The following RNF212B variants were observed in gnomAD, a reference collection of about 807,000 sequenced individuals.
The protein encoded by RNF212B is ring finger protein 212B.
Under a neutral mutation model 55.5 loss-of-function variants are expected in RNF212B, and 52 were observed. That is an observed-to-expected ratio of 0.94 (90% CI 0.75 to 1.18). The LOEUF is 1.18. Among genes scored for constraint, RNF212B ranks in the 50% most tolerant of loss-of-function variants. The pLI, the probability that RNF212B is intolerant of heterozygous loss-of-function variation, is 0.00. For synonymous variants in RNF212B, 99 were observed against 121.4 expected, an observed-to-expected ratio of 0.82 and a Z score of 1.21; for missense variants, 289 against 350.4, an observed-to-expected ratio of 0.82 and a Z score of 1.40.
intron 6 of RNF212B, among the ~76,000 whole-genome samples, chr14:23,260,147 T>C (rs933293616): frequency 1.3e-5 from 2 of 152,184 alleles, no homozygotes; most frequent in African/African-American, 4.8e-5. Context: ...TATAGCACAC[T>C]TGTAACCCAT....
intron 2 of RNF212B, among the ~76,000 whole-genome samples, chr14:23,221,217 T>A: frequency 6.8e-6 from 1 of 147,174 alleles, no homozygotes. Context: ...TGAAACCCTG[T>A]CTCTACTGAA....
At chr14:23,194,962 A>G (rs951125479) in intron 2 of RNF212B, among the ~76,000 whole-genome samples, 8 of 152,168 alleles carry the variant, frequency 5.3e-5, no homozygotes, top group Admixed American at 4.6e-4. Context: ...AAAGATGTGA[A>G]ATCATACAGC....
At chr14:23,207,444 G>A (rs1289570823) in intron 2 of RNF212B, among the ~76,000 whole-genome samples, 1 of 152,076 alleles carries the variant, frequency 6.6e-6, no homozygotes, top group Non-Finnish European at 1.5e-5. Flanking sequence ...CCTTCCTGTT[G>A]GAAGCAAGTA....
intron 4 of RNF212B, among the ~76,000 whole-genome samples, chr14:23,250,686 A>G (rs1051960538): frequency 7.9e-5 from 12 of 152,188 alleles, no homozygotes; most frequent in African/African-American, 2.7e-4. Context: ...TTATTTTGCC[A>G]AGATTGAGGA....
At chr14:23,227,769 T>C (rs1240676104) in intron 2 of RNF212B, among the ~76,000 whole-genome samples, 2 of 151,900 alleles carry the variant, frequency 1.3e-5, no homozygotes, top group Non-Finnish European at 2.9e-5. Context: ...CTGGCTAATT[T>C]TGTACTTTTT....
intron 2 of RNF212B, among the ~76,000 whole-genome samples, chr14:23,222,263 A>T (rs1046946698): frequency 5.3e-4 from 80 of 152,218 alleles, no homozygotes; most frequent in African/African-American, 1.8e-3. Flanking sequence ...TAAGAAAAAA[A>T]AAGAAGACCC....
At chr14:23,235,392 T>C (rs570874167), upstream of RNF212B, among the ~76,000 whole-genome samples, 24 of 152,208 alleles carry the variant, frequency 1.6e-4, no homozygotes, top group Non-Finnish European at 2.9e-4. Context: ...ATGGAATAGT[T>C]TGATTTGTAA....
At chr14:23,203,053 T>A (rs753935079) in intron 2 of RNF212B, among the ~76,000 whole-genome samples, 10 of 152,236 alleles carry the variant, frequency 6.6e-5, no homozygotes, top group South Asian at 4.2e-4. Flanking sequence ...TTAGTGGTGA[T>A]TTGTGAGATT....
In RNF212B at chr14:23,186,015, G is replaced by A. The variant is rs201169651; in HGVS notation, c.-79+525G>A. ...CTCAGGAGGCTGAGGTGGGAGGATC[G>A]TGTGAGCCATGGAGGTTGAGGCTGC... is the stretch of plus-strand genomic sequence containing the variant. On this transcript the variant is annotated intron_variant, in intron 1 of 15. Coordinates refer to the RNF212B transcript ENST00000399910. 9.2e-5 allele frequency among the ~76,000 whole-genome samples: 14 copies of A among 152,266 alleles called. No homozygotes were observed. In the East Asian group the frequency reaches 2.1e-3, roughly 23 times the overall value.
At chr14:23,217,320 G>A (rs758449438) in intron 2 of RNF212B, among the ~76,000 whole-genome samples, 1 of 152,174 alleles carries the variant, frequency 6.6e-6, no homozygotes, top group African/African-American at 2.4e-5. Context: ...ATATTGTGGT[G>A]TGAGTGCCAG....
chr14:23,226,612 CAG>C (rs1882044128), intron 2 of RNF212B, among the ~76,000 whole-genome samples: 1 of 152,022 alleles, frequency 6.6e-6, no homozygotes, highest in Non-Finnish European at 1.5e-5. Flanking sequence ...GCCTGGGTGA[CAG>C]AGCGAGACTC....
At chr14:23,185,858 G>C (rs576393125) in intron 1 of RNF212B, among the ~76,000 whole-genome samples, 1 of 152,294 alleles carries the variant, frequency 6.6e-6, no homozygotes, top group African/African-American at 2.4e-5. Flanking sequence ...CCAGCACTTT[G>C]GGAGGCCGAA....
intron 4 of RNF212B, among the ~76,000 whole-genome samples, chr14:23,253,939 C>T (rs1029098185): frequency 5.9e-5 from 9 of 152,000 alleles, no homozygotes; most frequent in East Asian, 3.9e-4. Context: ...AATTAAATTG[C>T]GTGCAAAAAT....
chr14:23,250,502 G>A (rs560542713), intron 4 of RNF212B, among the ~76,000 whole-genome samples: 2 of 147,842 alleles, frequency 1.4e-5, no homozygotes, highest in African/African-American at 5.0e-5. Context: ...AAAAAAGACT[G>A]AATTAATAAT....
At chr14:23,217,947 T>C (rs1247768397) in intron 2 of RNF212B, among the ~76,000 whole-genome samples, 2 of 152,014 alleles carry the variant, frequency 1.3e-5, no homozygotes, top group African/African-American at 4.8e-5. Context: ...AGGCAGAGAA[T>C]TCAAAATAGC....
chr14:23,220,868 GC>G (rs1881507504), intron 2 of RNF212B, among the ~76,000 whole-genome samples: 1 of 151,488 alleles, frequency 6.6e-6, no homozygotes, highest in Non-Finnish European at 1.5e-5. Flanking sequence ...AAAAATAAAA[GC>G]AGGAAATTAA....
intron 14 of RNF212B, chr14:23,272,439 A>C (rs915509072): frequency 3.9e-6 from 1 of 258,180 alleles, no homozygotes; most frequent in African/African-American, 2.4e-5. Flanking sequence ...CAAACAAACA[A>C]ACAAACAAAC....
intron 4 of RNF212B, among the ~76,000 whole-genome samples, chr14:23,252,536 G>A (rs1052826993): frequency 6.6e-6 from 1 of 152,192 alleles, no homozygotes; most frequent in Non-Finnish European, 1.5e-5. Context: ...AGAGAAAGGG[G>A]TTTAATCATA....
At chr14:23,190,104 C>T (rs1877983173) in intron 1 of RNF212B, among the ~76,000 whole-genome samples, 2 of 152,100 alleles carry the variant, frequency 1.3e-5, no homozygotes, top group African/African-American at 4.8e-5. Context: ...CTCCTGGCTT[C>T]CCCCAACCTC....
Sources: gnomAD v4.1 joint callset for allele counts (sites outside exome capture counted in the v4.1 genomes callset) on GRCh38, gnomAD v4.1.1 for gene constraint, MANE v1.5 for transcripts, NCBI Gene and HGNC (gene_info 2026-07-23, HGNC 2026-07-21) for gene names.